The following C6orf89 variants were observed in gnomAD, a reference collection of about 807,000 sequenced individuals.
C6orf89 encodes the protein chromosome 6 open reading frame 89.
A neutral mutation model predicts 40.7 loss-of-function variants in C6orf89; 29 were observed. The ratio of observed to expected loss-of-function variants is 0.71; its 90% CI spans 0.53 to 0.97. The LOEUF (loss-of-function observed/expected upper bound fraction) is 0.97, where lower values mean the gene tolerates loss of function less well. Among genes scored for constraint, C6orf89 ranks in the 50% least tolerant of loss-of-function variants. The pLI, the probability that C6orf89 is intolerant of heterozygous loss-of-function variation, is 0.00. For synonymous variants in C6orf89, 165 were observed against 152.2 expected, an observed-to-expected ratio of 1.08 and a Z score of -0.62; for missense variants, 392 against 429.1, an observed-to-expected ratio of 0.91 and a Z score of 0.76.
chr6:36,914,218 G>C, intron 4 of C6orf89, 66 bp from the exon 5 acceptor site: 2 of 1,337,926 alleles, frequency 1.5e-6, no homozygotes, highest in East Asian at 2.3e-5. Flanking sequence ...TTCATTGTTG[G>C]AGCTACTGGA....
chr6:36,878,115 C>T (rs1774708179), intron 1 of C6orf89, among the ~76,000 whole-genome samples: 1 of 152,104 alleles, frequency 6.6e-6, no homozygotes, highest in Admixed American at 6.5e-5. Flanking sequence ...GAGGTAGGAG[C>T]CAAGTTTCAT....
intron 1 of C6orf89, chr6:36,874,749 G>A: frequency 1.2e-6 from 2 of 1,614,162 alleles, no homozygotes; most frequent in South Asian, 1.1e-5. Flanking sequence ...GTGGCTGCCA[G>A]GAATCTGGGG....
intron 1 of C6orf89, among the ~76,000 whole-genome samples, chr6:36,888,634 GAAAATA>G (rs923144868): frequency 3.9e-5 from 6 of 152,142 alleles, no homozygotes; most frequent in African/African-American, 1.2e-4. Flanking sequence ...CCCTGTCTCA[GAAAATA>G]AAAATAAAAA....
chr6:36,886,008 C>G lies in C6orf89; in HGVS notation c.-140C>G. 1 of 1,102,810 alleles carries G rather than the reference C, an allele frequency of 9.1e-7. No homozygotes were observed. The highest frequency in any genetic ancestry group is 1.1e-6 in the Non-Finnish European group (1 of 926,056). The allele number at this position is 1,102,810 out of a possible 1,614,324, so 68.3% of individuals were successfully genotyped here. ...AGCTGTCCCCGAGGCGGGAGGAGCC[C>G]GAGGGGCGCGAGCCCCGCATGTGAG... On this transcript the variant is annotated 5_prime_UTR_variant, in exon 1 of 9. Transcript: ENST00000480824.
chr6:36,911,869 T>C (rs1399618463), intron 4 of C6orf89, among the ~76,000 whole-genome samples: 1 of 149,032 alleles, frequency 6.7e-6, no homozygotes, highest in African/African-American at 2.5e-5. Flanking sequence ...GCTTCTAGAA[T>C]CCACCCCTTT....
At chr6:36,888,507 G>A (rs1290774108) in intron 1 of C6orf89, among the ~76,000 whole-genome samples, 1 of 152,130 alleles carries the variant, frequency 6.6e-6, no homozygotes, top group Admixed American at 6.5e-5. Context: ...GGTGGCGCGT[G>A]CCTGTACTCC....
chr6:36,923,396 C>G lies in C6orf89; in HGVS notation c.999C>G (p.Val333=). 1.2e-6 allele frequency: 2 copies of G among 1,614,188 alleles called. No homozygotes were observed. The highest frequency in any genetic ancestry group is 2.2e-5 in the South Asian group (2 of 91,084). Residue 333 remains valine, a synonymous_variant, in exon 9 of 9, where the codon GTC becomes GTG. Transcript: ENST00000480824. ...AGGTCTACGTTATAGCCAGAGGGGT[C>G]CAGCCTTTGGTCATCTGCGATGGAA... ...HWKVYVIARG[V]QPLVICDGTA...
At chr6:36,876,023 A>G (rs897825573) in intron 1 of C6orf89, among the ~76,000 whole-genome samples, 1 of 152,252 alleles carries the variant, frequency 6.6e-6, no homozygotes, top group Non-Finnish European at 1.5e-5. Context: ...TGAACGGAAC[A>G]CTACATTTTA....
At chr6:36,912,798 C>G (rs1762174614) in intron 4 of C6orf89, among the ~76,000 whole-genome samples, 1 of 152,242 alleles carries the variant, frequency 6.6e-6, no homozygotes, top group Admixed American at 6.5e-5. Flanking sequence ...AGAACAAACA[C>G]GGTCTTTCCC....
chr6:36,890,540 T>A (rs942579479), intron 1 of C6orf89, among the ~76,000 whole-genome samples: 36 of 91,720 alleles, frequency 3.9e-4, no homozygotes, highest in African/African-American at 7.8e-4. Flanking sequence ...AAAAAAAAAA[T>A]TTTATTCTTT....
intron 3 of C6orf89, among the ~76,000 whole-genome samples, chr6:36,901,002 A>G (rs1761662132): frequency 6.6e-6 from 1 of 151,784 alleles, no homozygotes; most frequent in African/African-American, 2.4e-5. Flanking sequence ...ATGCGCAACC[A>G]TGCCCGGCTA....
chr6:36,889,392 C>T (rs944056575), intron 1 of C6orf89, among the ~76,000 whole-genome samples: 12 of 152,124 alleles, frequency 7.9e-5, no homozygotes, highest in African/African-American at 2.9e-4. Flanking sequence ...TTTCTCCCCC[C>T]AACCCCCAAA....
At chr6:36,895,037 T>C (rs928596687) in intron 2 of C6orf89, among the ~76,000 whole-genome samples, 4 of 152,210 alleles carry the variant, frequency 2.6e-5, no homozygotes, top group Non-Finnish European at 5.9e-5. Flanking sequence ...GCTGTAATAT[T>C]TGAATACAAC....
chr6:36,889,428 GGAGA>G (rs1417732022), intron 1 of C6orf89, among the ~76,000 whole-genome samples: 1 of 152,130 alleles, frequency 6.6e-6, no homozygotes, highest in African/African-American at 2.4e-5. Context: ...AGGGAGGGAG[GGAGA>G]GAGTACCAGA....
chr6:36,885,496 A>G (rs943891127), upstream of C6orf89, among the ~76,000 whole-genome samples: 2 of 152,190 alleles, frequency 1.3e-5, no homozygotes, highest in African/African-American at 4.8e-5. Flanking sequence ...TTTTATCAAC[A>G]GAGTAAGCTC....
In C6orf89 at chr6:36,919,689, C is replaced by G; in HGVS notation, c.937C>G (p.Pro313Ala). ...TCAGTCTGTGGCCATGCCAATAGAG[C>G]CAGGGGATATCGGTATGTAGGGCCC... is the stretch of plus-strand genomic sequence containing the variant. ...HCQSVAMPIE[P>A]GDIGYVDTTH... The change falls in exon 8 of 9, where the codon CCA (proline) becomes GCA (alanine). Residue 313 changes from proline (P) to alanine (A), a missense_variant. Transcript: ENST00000480824. 1 of 1,613,188 alleles carries G rather than the reference C, an allele frequency of 6.2e-7. No individual in the cohort carries two copies. The highest frequency in any genetic ancestry group is 2.2e-5 in the East Asian group (1 of 44,878).
intron 1 of C6orf89, chr6:36,874,830 T>G (rs748319303): frequency 2.3e-5 from 36 of 1,580,342 alleles, no homozygotes; most frequent in Non-Finnish European, 3.0e-5. Context: ...GTCGATTAGC[T>G]GGGGACCCGT....
intron 1 of C6orf89, chr6:36,874,806 T>C (rs1401891677): frequency 6.2e-7 from 1 of 1,611,868 alleles, no homozygotes; most frequent in African/African-American, 1.3e-5. Flanking sequence ...TGTCTAGTAA[T>C]TGCTACTTCC....
intron 1 of C6orf89, among the ~76,000 whole-genome samples, chr6:36,878,165 A>T (rs1774709587): frequency 2.0e-5 from 3 of 152,180 alleles, no homozygotes; most frequent in Admixed American, 1.3e-4. Context: ...AGCACCATTG[A>T]TTGAAAGCAT....
Sources: gnomAD v4.1 joint callset for allele counts (sites outside exome capture counted in the v4.1 genomes callset) on GRCh38, gnomAD v4.1.1 for gene constraint, MANE v1.5 for transcripts, NCBI Gene and HGNC (gene_info 2026-07-23, HGNC 2026-07-21) for gene names.